TAB3: variants seen among roughly 807,000 people sequenced by gnomAD.
TAB3 encodes TGF-beta-activated kinase 1 and MAP3K7-binding protein 3.
TAB3 carries 18 observed loss-of-function variants against 48.1 expected under a neutral mutation model. The ratio of observed to expected loss-of-function variants is 0.37; its 90% CI spans 0.26 to 0.55. The LOEUF is 0.55. TAB3 is among the 20% of genes least tolerant of loss of function. TAB3 has a pLI of 0.78. For missense variants in TAB3, 414 were observed against 549.8 expected, an observed-to-expected ratio of 0.75 and a Z score of 2.47; for synonymous variants, 185 against 190.2, an observed-to-expected ratio of 0.97 and a Z score of 0.22.
Position 30,854,277 on chromosome X carries a change from G to C in TAB3, c.1388C>G (p.Thr463Arg). Residue 463 changes from threonine (T) to arginine (R), a missense_variant, in exon 6 of 11, where the codon ACG (threonine) becomes AGG (arginine). Thr to Arg is a moderately conservative substitution (Grantham distance 71). Coordinates refer to ENST00000288422, the MANE Select transcript of TAB3 (RefSeq NM_152787.5). ...CACTAAATTTAAAAGATTTTCAGTC[G>C]TTGCTCGGCCTACGGTAATTTTAAA... ...TVFKITVGRA[T>R]TENLLNLVDQ... is the part of the protein sequence containing the mutation. 2 of 1,211,485 alleles carry C rather than the reference G, an allele frequency of 1.7e-6. No homozygotes were observed. The highest frequency in any genetic ancestry group is 2.2e-6 in the Non-Finnish European group (2 of 895,491).
rs374426886 is a variant in TAB3, at chrX:30,834,092, A to C, written c.1949T>G (p.Val650Gly). Reference sequence around the variant, plus strand: ...CTGGGTGTCATGGATGTCTGCCTGTACTTTGGAGGTCACGCTAATTCTTCG... The same window carrying C: ...CTGGGTGTCATGGATGTCTGCCTGTCCTTTGGAGGTCACGCTAATTCTTCG... ...KARRISVTSK[V>G]QADIHDTQAA... The change falls in exon 10 of 11, where the codon GTA (valine) becomes GGA (glycine). Residue 650 changes from valine (V) to glycine (G), a missense_variant. By Grantham distance (109) the Val-to-Gly change is moderately radical. Transcript: ENST00000288422. 129 of 1,209,912 alleles carry C rather than the reference A, an allele frequency of 1.1e-4. No homozygotes were observed. The Middle Eastern group carries it at 1.8e-3, about 17-fold the overall frequency.
intron 2 of TAB3, 108 bp from the exon 3 acceptor site, chrX:30,867,657 T>A (rs1482102948): frequency 9.0e-6 from 1 of 111,552 alleles, no homozygotes; most frequent in Non-Finnish European, 1.9e-5. Flanking sequence ...GCAGACAGGA[T>A]GCTAGACCAC....
At position 30,867,169 on chromosome X, in the gene TAB3, G is replaced by A. The variant is rs1057194426; in HGVS notation, c.-145C>T. The A allele has an allele frequency of 9.0e-6, 1 of 111,687 alleles. No homozygotes were observed. Among genetic ancestry groups the A allele is most frequent in the Non-Finnish European group, 1.9e-5 (1 of 53,158 alleles). 9.2% of individuals were successfully genotyped at this position (111,687 alleles called of 1,213,427 possible). A position where few individuals can be genotyped will look rare whatever the true frequency, so the allele number is the denominator to read the frequency against. On this transcript the variant is annotated 5_prime_UTR_variant, in exon 4 of 11. Transcript: ENST00000288422. ...TGAGAAACTGTCACAGCCAAGAGGA[G>A]TCTAAGGAGACATAACAACCAACTG...
intron 5 of TAB3, among the ~76,000 whole-genome samples, chrX:30,857,355 A>C (rs1939108155): frequency 8.9e-6 from 1 of 111,840 alleles, no homozygotes; most frequent in African/African-American, 3.2e-5. Flanking sequence ...TTGGAGCCAA[A>C]GGATTCAAAC....
chrX:30,853,148 G>A (rs779859066), intron 6 of TAB3, among the ~76,000 whole-genome samples: 17 of 111,921 alleles, frequency 1.5e-4, no homozygotes, highest in Admixed American at 4.7e-4. Flanking sequence ...CATCCCTCTT[G>A]TTCTATTGTC....
chrX:30,839,914 T>TTATA (rs56260124), intron 9 of TAB3, among the ~76,000 whole-genome samples: 292 of 82,189 alleles, frequency 3.6e-3, no homozygotes, highest in South Asian at 9.2e-3. Flanking sequence ...CATATATATA[T>TTATA]TATATATATA....
chrX:30,839,530 C>T (rs1456268836), intron 9 of TAB3, among the ~76,000 whole-genome samples: 1 of 110,502 alleles, frequency 9.0e-6, no homozygotes, highest in African/African-American at 3.3e-5. Flanking sequence ...GTTCTGCTAG[C>T]GCCATAAAAA....
Position 30,846,471 on chromosome X carries a change from C to T in TAB3, c.1804+80G>A, listed in dbSNP as rs190669061. 1.0e-4 allele frequency: 78 copies of T among 747,859 alleles called. No individual in the cohort carries two copies. The East Asian group carries it at 2.5e-3, about 24-fold the overall frequency. 61.6% of individuals were successfully genotyped at this position (747,859 alleles called of 1,213,427 possible). A position where few individuals can be genotyped will look rare whatever the true frequency, so the allele number is the denominator to read the frequency against. ...GGATAAAAACTGTCTCTTAAATCTA[C>T]AAAACCAAAGTTATTGCTATTTAAG... is the stretch of plus-strand genomic sequence containing the variant. On this transcript the variant is annotated intron_variant, in intron 8 of 10. Coordinates refer to ENST00000288422, the MANE Select transcript of TAB3 (RefSeq NM_152787.5).
intron 1 of TAB3, among the ~76,000 whole-genome samples, chrX:30,887,810 C>T (rs759779933): frequency 8.9e-6 from 1 of 112,384 alleles, no homozygotes; most frequent in South Asian, 3.7e-4. Flanking sequence ...TGACTGAATG[C>T]AGATTATGTT....
At chrX:30,856,848 T>C (rs1234665108) in intron 5 of TAB3, among the ~76,000 whole-genome samples, 4 of 111,338 alleles carry the variant, frequency 3.6e-5, no homozygotes, top group Non-Finnish European at 7.6e-5. Context: ...GGCTTGACAA[T>C]AGGCACTTAA....
chrX:30,855,578 G>C lies in TAB3; in HGVS notation c.103-16C>G. On this transcript the variant is annotated splice_polypyrimidine_tract_variant and intron_variant, in intron 5 of 10. Coordinates refer to ENST00000288422, the MANE Select transcript of TAB3 (RefSeq NM_152787.5). ...TGTTGTTATTCTAGGGGAGAAAAAT[G>C]GTAAAAGTAACATTGGCAACATTAA... is the stretch of plus-strand genomic sequence containing the variant. 1 of 1,162,891 alleles carries C rather than the reference G, an allele frequency of 8.6e-7. No individual in the cohort carries two copies. The highest frequency in any genetic ancestry group is 1.1e-6 in the Non-Finnish European group (1 of 872,301).
At chrX:30,835,920 G>A (rs1938193962) in intron 9 of TAB3, 1 of 112,084 alleles carries the variant, frequency 8.9e-6, no homozygotes, top group Admixed American at 9.4e-5. Flanking sequence ...TATTCTACCA[G>A]TAATTTGTGT....
intron 9 of TAB3, among the ~76,000 whole-genome samples, chrX:30,842,024 G>A (rs1938464991): frequency 8.9e-6 from 1 of 112,395 alleles, no homozygotes; most frequent in Admixed American, 9.4e-5. Flanking sequence ...GGCCAGGCTA[G>A]TCTCGAACTC....
In TAB3 at chrX:30,827,624, G is replaced by GT. The variant is rs1339546246; in HGVS notation, c.*3802dup. The GT allele has an allele frequency of 8.9e-6, 1 of 112,497 alleles. No homozygotes were observed. Among genetic ancestry groups the GT allele is most frequent in the African/African-American group, 3.2e-5 (1 of 30,928 alleles). The allele number at this position is 112,497 out of a possible 1,213,427, so 9.3% of individuals were successfully genotyped here. On this transcript the variant is annotated 3_prime_UTR_variant, in exon 11 of 11. Coordinates refer to ENST00000288422, the MANE Select transcript of TAB3 (RefSeq NM_152787.5). The stretch of plus-strand genomic sequence containing the variant: ...ACATGGTATTTACAAGATTTAATAA[G>GT]TTTTTGCTGCTTTAATGAAGAAACT...
chrX:30,841,891 C>T (rs1319229713), intron 9 of TAB3, among the ~76,000 whole-genome samples: 4 of 112,111 alleles, frequency 3.6e-5, no homozygotes, highest in African/African-American at 1.3e-4. Flanking sequence ...TCACTGCAAC[C>T]TCCACCTCCT....
Position 30,846,577 on chromosome X carries a change from T to C in TAB3, c.1778A>G (p.Lys593Arg). 1 of 1,202,640 alleles carries C rather than the reference T, an allele frequency of 8.3e-7. No homozygotes were observed. Among genetic ancestry groups the C allele is most frequent in the Non-Finnish European group, 1.1e-6 (1 of 889,168 alleles). The change falls in exon 8 of 11, where the codon AAA becomes AGA. Residue 593 changes from lysine to arginine, a missense_variant. Transcript: ENST00000288422. Reference protein sequence around the residue: ...QLQINVDCTLKEVDLLQSRGN... With the variant: ...QLQINVDCTLREVDLLQSRGN... ...TCTAGATTGAAGGAGGTCAACTTCT[T>C]TCAGTGTACAGTCAACATTTATCTG... is the stretch of plus-strand genomic sequence containing the variant.
intron 1 of TAB3, among the ~76,000 whole-genome samples, chrX:30,881,461 TAAC>T (rs1939997313): frequency 9.0e-6 from 1 of 111,209 alleles, no homozygotes; most frequent in African/African-American, 3.3e-5. Flanking sequence ...AAAAATCAGA[TAAC>T]AAAATTTTAA....
At chrX:30,848,140 G>C (rs911538537) in intron 7 of TAB3, among the ~76,000 whole-genome samples, 2 of 111,954 alleles carry the variant, frequency 1.8e-5, no homozygotes, top group Non-Finnish European at 3.8e-5. Flanking sequence ...TATTCCATAG[G>C]TTTTAGGGAG....
At chrX:30,863,498 G>A (rs1159915812) in intron 4 of TAB3, among the ~76,000 whole-genome samples, 1 of 112,072 alleles carries the variant, frequency 8.9e-6, no homozygotes, top group Non-Finnish European at 1.9e-5. Flanking sequence ...GATAGGGGCA[G>A]AGCCCTTGTA....
Sources: allele counts gnomAD v4.1 joint callset (sites outside exome capture counted in the v4.1 genomes callset), GRCh38; gene constraint gnomAD v4.1.1; transcripts MANE v1.5; gene names NCBI Gene and HGNC (gene_info 2026-07-23, HGNC 2026-07-21).